AOPEP: variants seen among roughly 807,000 people sequenced by gnomAD.
AOPEP encodes the protein aminopeptidase O (putative).
AOPEP carries 77 observed loss-of-function variants against 98.1 expected under a neutral mutation model. The ratio of observed to expected loss-of-function variants is 0.78; its 90% confidence interval spans 0.65 to 0.95. The LOEUF is 0.95. AOPEP is among the 40% of genes least tolerant of loss of function. The probability of loss-of-function intolerance (pLI) is 0.00; values close to 1 mark genes in which losing one functional copy is unlikely to be tolerated. For synonymous variants in AOPEP, 346 were observed against 365.3 expected (o/e 0.95, Z 0.60); for missense variants, 1,024 against 1,024.7 (o/e 1.00, Z 0.01).
intron 2 of AOPEP, among the ~76,000 whole-genome samples, chr9:94,766,638 G>A (rs1056203601): frequency 6.6e-6 from 1 of 152,208 alleles, no homozygotes; most frequent in Non-Finnish European, 1.5e-5. Flanking sequence ...GGTTTAGGAG[G>A]TCTGAGCTTA....
At chr9:94,918,777 AAGG>A (rs1455910970) in intron 5 of AOPEP, among the ~76,000 whole-genome samples, 1 of 152,210 alleles carries the variant, frequency 6.6e-6, no homozygotes, top group Non-Finnish European at 1.5e-5. Flanking sequence ...CAGTCTTCAG[AAGG>A]AGAAGATGTT....
chr9:94,987,788 A>G (rs1239617546), intron 11 of AOPEP, among the ~76,000 whole-genome samples: 1 of 152,092 alleles, frequency 6.6e-6, no homozygotes, highest in South Asian at 2.1e-4. Flanking sequence ...CTTGTTTTAC[A>G]TAGAGGGCAG....
intron 7 of AOPEP, among the ~76,000 whole-genome samples, chr9:94,939,456 G>A (rs2056744412): frequency 6.6e-6 from 1 of 152,142 alleles, no homozygotes; most frequent in Non-Finnish European, 1.5e-5. Context: ...ATCATCTGAG[G>A]ATATGGATTG....
chr9:95,146,834 C>G, the AOPEP span, among the ~76,000 whole-genome samples: 1 of 151,978 alleles, frequency 6.6e-6, no homozygotes, highest in Non-Finnish European at 1.5e-5. Flanking sequence ...GAGGGAAGAA[C>G]TGAGATGCGT....
chr9:95,110,194 A>G, the AOPEP span: 1 of 951,940 alleles, frequency 1.1e-6, no homozygotes, highest in Non-Finnish European at 1.3e-6. Flanking sequence ...GTTAGCTAGT[A>G]GAAGATGTGC....
At chr9:95,051,375 A>T (rs1005135938) in intron 13 of AOPEP, among the ~76,000 whole-genome samples, 2 of 150,744 alleles carry the variant, frequency 1.3e-5, no homozygotes, top group Admixed American at 6.6e-5. Context: ...GGAGTGAGCC[A>T]CTGTGCCCAG....
the AOPEP span, among the ~76,000 whole-genome samples, chr9:95,125,873 A>G: frequency 6.6e-6 from 1 of 152,114 alleles, no homozygotes; most frequent in Non-Finnish European, 1.5e-5. Flanking sequence ...CCAGGTGACA[A>G]GCTCCCCAGG....
the AOPEP span, chr9:95,117,356 G>A: frequency 6.2e-7 from 1 of 1,614,082 alleles, no homozygotes; most frequent in Non-Finnish European, 8.5e-7. Context: ...AGATGGAGAA[G>A]TGTAAGGAAA....
the AOPEP span, among the ~76,000 whole-genome samples, chr9:95,106,826 G>A: frequency 7.9e-5 from 12 of 152,168 alleles, no homozygotes; most frequent in South Asian, 2.1e-4. Context: ...GCAGCAAGCC[G>A]TGGGCCCAGG....
At chr9:95,085,328 C>T (rs375086629) in intron 16 of AOPEP, 112 of 482,684 alleles carry the variant, frequency 2.3e-4, no homozygotes, top group African/African-American at 2.0e-3. Context: ...ACCGTGGTCG[C>T]GCTCACTGCA....
chr9:95,067,247 G>A (rs975079740), intron 14 of AOPEP, among the ~76,000 whole-genome samples: 5 of 152,152 alleles, frequency 3.3e-5, no homozygotes, highest in African/African-American at 4.8e-5. Context: ...CAGGCCGCTC[G>A]CACGGAGTCA....
chr9:94,819,673 C>T (rs374303352), intron 5 of AOPEP, among the ~76,000 whole-genome samples: 3 of 151,590 alleles, frequency 2.0e-5, no homozygotes, highest in African/African-American at 7.3e-5. Context: ...CTCCCAGGCT[C>T]AATCAGTCCT....
At chr9:95,057,516 G>A (rs1034095821) in intron 13 of AOPEP, among the ~76,000 whole-genome samples, 2 of 152,224 alleles carry the variant, frequency 1.3e-5, no homozygotes, top group Admixed American at 6.5e-5. Flanking sequence ...CATTTGTAGG[G>A]TGGCTTTACG....
chr9:94,942,712 G>C (rs971555208), intron 7 of AOPEP, among the ~76,000 whole-genome samples: 6 of 152,022 alleles, frequency 3.9e-5, no homozygotes, highest in African/African-American at 1.4e-4. Context: ...TAATAAACAA[G>C]TTCAGTAAAG....
At chr9:95,085,200 G>A in intron 16 of AOPEP, 1 of 488,156 alleles carries the variant, frequency 2.0e-6, no homozygotes, top group Non-Finnish European at 4.3e-6. Context: ...GCACGGGGTG[G>A]CGCTGCTCTC....
intron 7 of AOPEP, chr9:94,932,236 T>C: frequency 2.0e-6 from 2 of 986,198 alleles, no homozygotes; most frequent in Non-Finnish European, 2.4e-6. Context: ...AGCATCTTTT[T>C]TCTTTTAACA....
At chr9:94,947,143 AT>A (rs560693372) in intron 7 of AOPEP, among the ~76,000 whole-genome samples, 41 of 142,028 alleles carry the variant, frequency 2.9e-4, no homozygotes, top group South Asian at 9.0e-4. Context: ...CGCCCGGCTA[AT>A]TTTTTTTTTT....
At chr9:95,036,773 G>A (rs980687109) in intron 13 of AOPEP, among the ~76,000 whole-genome samples, 8 of 151,082 alleles carry the variant, frequency 5.3e-5, no homozygotes, top group Non-Finnish European at 1.2e-4. Flanking sequence ...CTGAGAGATG[G>A]AGGGACAGCT....
intron 5 of AOPEP, among the ~76,000 whole-genome samples, chr9:94,862,055 T>G (rs1338304613): frequency 2.6e-5 from 4 of 152,210 alleles, no homozygotes; most frequent in Non-Finnish European, 5.9e-5. Context: ...TTCCCTGGCC[T>G]CCTCTTTGGA....
Sources: gnomAD v4.1 joint callset for allele counts (sites outside exome capture counted in the v4.1 genomes callset) on GRCh38, gnomAD v4.1.1 for gene constraint, MANE v1.5 for transcripts, NCBI Gene and HGNC (gene_info 2026-07-23, HGNC 2026-07-21) for gene names.